The following POTEC variants were observed in gnomAD, a reference collection of about 807,000 sequenced individuals.
POTEC encodes the protein POTE ankyrin domain family member C.
In POTEC, 35 loss-of-function variants were observed where a neutral mutation model predicts 62.0. That is an observed-to-expected ratio of 0.56 (90% CI 0.43 to 0.75). The LOEUF (loss-of-function observed/expected upper bound fraction) is 0.75. POTEC is among the 30% of genes least tolerant of loss of function. POTEC has a pLI of 0.00. For missense variants in POTEC, 472 were observed against 655.9 expected (o/e 0.72, Z 3.06); for synonymous variants, 156 against 221.5 (o/e 0.70, Z 2.62).
chr18:14,539,813 C>T (rs1368800099), intron 1 of POTEC, among the ~76,000 whole-genome samples: 1 of 152,116 alleles, frequency 6.6e-6, no homozygotes, highest in Non-Finnish European at 1.5e-5. Flanking sequence ...AGTCCTAATG[C>T]CCCAATTTTG....
Position 14,543,127 on chromosome 18 carries a change from G to A in POTEC, c.20C>T (p.Ser7Leu), listed in dbSNP as rs1355855188. ...CTTCACAGCAGAGGCAGCGGGCATT[G>A]AACAAACCTCAGTCACCATCTGCTT... MVTEVC[S>L]MPAASAVKKP... The change falls in exon 1 of 11, where the codon TCA becomes TTA. Residue 7 changes from serine (S) to leucine (L), a missense_variant. Coordinates refer to ENST00000358970, the MANE Select transcript of POTEC (RefSeq NM_001137671.2). The A allele has an allele frequency of 6.2e-7, 1 of 1,613,808 alleles. No individual in the cohort carries two copies. Among genetic ancestry groups the A allele is most frequent in the Admixed American group, 1.7e-5 (1 of 60,000 alleles).
At chr18:14,537,696 C>T in intron 3 of POTEC, 105 bp downstream of exon 3, 1 of 1,231,246 alleles carries the variant, frequency 8.1e-7, no homozygotes. Context: ...TATTTTCATT[C>T]AGGTTATGCT....
In POTEC at chr18:14,509,566, A is replaced by G. The variant is rs45561545; in HGVS notation, c.*2332T>C. 1 of 152,236 alleles carries G rather than the reference A, an allele frequency of 6.6e-6. No homozygotes were observed. The highest frequency in any genetic ancestry group is 2.0e-4 in the East Asian group (1 of 5,108). The allele number at this position is 152,236 out of a possible 1,614,324, so 9.4% of individuals were successfully genotyped here. On this transcript the variant is annotated 3_prime_UTR_variant, in exon 11 of 11. Coordinates refer to ENST00000358970, the MANE Select transcript of POTEC (RefSeq NM_001137671.2). ...TCCATATAAAGGGCTGCAGTATGGA[A>G]TGGTAATGTGCAGGCTAGTGCGTGG...
At chr18:14,516,466 A>G (rs1910162471) in intron 9 of POTEC, among the ~76,000 whole-genome samples, 1 of 133,996 alleles carries the variant, frequency 7.5e-6, no homozygotes, top group African/African-American at 3.0e-5. Context: ...AACTTCTTCA[A>G]AAGGTGGCAG....
chr18:14,519,991 T>A (rs1409744664), intron 9 of POTEC, among the ~76,000 whole-genome samples: 4 of 151,984 alleles, frequency 2.6e-5, no homozygotes, highest in African/African-American at 9.7e-5. Flanking sequence ...CAGAAAAAAA[T>A]TAGTGATAAT....
chr18:14,533,936 A>T lies in POTEC; in HGVS notation c.918-738T>A, dbSNP rs186739077. On this transcript the variant is annotated intron_variant, in intron 4 of 10. Coordinates refer to ENST00000358970, the MANE Select transcript of POTEC (RefSeq NM_001137671.2). ...TGTTTTTGTTTTGTTATTTTTTTTT[A>T]ATTATACTTTAAGTTTTAGGGTACA... is the stretch of plus-strand genomic sequence containing the variant. 6.5e-3 allele frequency among the ~76,000 whole-genome samples: 767 copies of T among 118,238 alleles called. 6 individuals carry two copies. Among genetic ancestry groups the T allele is most frequent in the African/African-American group, 0.022 (675 of 31,274 alleles). 77.6% of individuals were successfully genotyped at this position (118,238 alleles called of 152,430 possible). A position where few individuals can be genotyped will look rare whatever the true frequency, so the allele number is the denominator to read the frequency against.
intron 5 of POTEC, among the ~76,000 whole-genome samples, chr18:14,532,324 G>A (rs1338703051): frequency 9.9e-5 from 15 of 151,978 alleles, no homozygotes; most frequent in Admixed American, 3.9e-4. Context: ...CTTTGTGTGC[G>A]GATAAAGTCA....
intron 5 of POTEC, chr18:14,531,910 T>C (rs1450298266): frequency 6.6e-6 from 1 of 151,700 alleles, no homozygotes; most frequent in South Asian, 2.1e-4. Flanking sequence ...TCCTGTGAGG[T>C]ACAATTTGAA....
intron 4 of POTEC, among the ~76,000 whole-genome samples, 174 bp from the exon 5 acceptor site, chr18:14,533,372 C>T (rs1183189519): frequency 1.3e-5 from 2 of 152,050 alleles, no homozygotes; most frequent in Non-Finnish European, 2.9e-5. Flanking sequence ...TGTAAAATAC[C>T]ACCAAGGTTA....
At chr18:14,516,298 TTATATATA>T (rs200611192) in intron 9 of POTEC, among the ~76,000 whole-genome samples, 6,258 of 25,324 alleles carry the variant, frequency 0.25, 1,340 homozygotes, top group Middle Eastern at 0.36. Context: ...AAAGAAAATT[TTATATATA>T]TATATATATA....
At chr18:14,526,357 G>A (rs1485619365) in intron 6 of POTEC, among the ~76,000 whole-genome samples, 1 of 151,968 alleles carries the variant, frequency 6.6e-6, no homozygotes, top group Non-Finnish European at 1.5e-5. Context: ...TCTTCCACAG[G>A]TCTGTCCCCT....
intron 1 of POTEC, 45 bp downstream of exon 1, chr18:14,542,581 A>C (rs778844082): frequency 1.9e-6 from 3 of 1,611,266 alleles, no homozygotes; most frequent in South Asian, 2.2e-5. Flanking sequence ...GTATGTCCCC[A>C]TCATCCCCCC....
intron 6 of POTEC, among the ~76,000 whole-genome samples, chr18:14,527,197 C>T (rs563531594): frequency 4.4e-4 from 67 of 152,126 alleles, no homozygotes; most frequent in East Asian, 3.9e-4. Context: ...TCCTAGTACT[C>T]GCTCTCAAGT....
At chr18:14,540,477 GTGTATA>G (rs1332968275) in intron 1 of POTEC, among the ~76,000 whole-genome samples, 2 of 152,086 alleles carry the variant, frequency 1.3e-5, no homozygotes, top group Non-Finnish European at 2.9e-5. Context: ...GATTCTGTTT[GTGTATA>G]TGTATAACAA....
At chr18:14,521,634 TA>T (rs1427237622) in intron 9 of POTEC, among the ~76,000 whole-genome samples, 6 of 152,168 alleles carry the variant, frequency 3.9e-5, no homozygotes, top group Non-Finnish European at 7.4e-5. Context: ...GCTACTAAAT[TA>T]ATGTTCAAAA....
intron 9 of POTEC, among the ~76,000 whole-genome samples, chr18:14,517,250 G>C (rs2143116700): frequency 6.6e-6 from 1 of 152,186 alleles, no homozygotes; most frequent in African/African-American, 2.4e-5. Context: ...AGTTAAAGTT[G>C]ACTCTAACTT....
intron 1 of POTEC, 57 bp downstream of exon 1, chr18:14,542,569 G>A: frequency 1.2e-5 from 19 of 1,609,966 alleles, no homozygotes; most frequent in Non-Finnish European, 1.6e-5. Context: ...TGCGCCAGGA[G>A]GGTATGTCCC....
chr18:14,535,560 A>G (rs1434302350), intron 3 of POTEC, among the ~76,000 whole-genome samples: 1 of 151,564 alleles, frequency 6.6e-6, no homozygotes, highest in East Asian at 2.0e-4. Flanking sequence ...TTAACTAGAT[A>G]GATAATCAGT....
rs746623777 is a variant in POTEC, at chr18:14,511,988, A to G, written c.1539T>C (p.Ser513=). 5.0e-6 allele frequency: 8 copies of G among 1,612,018 alleles called. No homozygotes were observed. In the Admixed American group the frequency reaches 1.0e-4, roughly 20 times the overall value. The change falls in exon 11 of 11, where the codon TCT becomes TCC. Residue 513 remains serine (S), a synonymous_variant. Transcript: ENST00000358970. ...GATCTTCTTCTTTCTTATGACTAAG[A>G]GAAAGCTAAGTAAACAAAGGGAACT... ...VAEKKMNSEL[S]LSHKKEEDLL...
Sources: gnomAD v4.1 joint callset for allele counts (sites outside exome capture counted in the v4.1 genomes callset) on GRCh38, gnomAD v4.1.1 for gene constraint, MANE v1.5 for transcripts, NCBI Gene and HGNC (gene_info 2026-07-23, HGNC 2026-07-21) for gene names.